HTR4: variants seen among roughly 807,000 people sequenced by gnomAD.
HTR4 encodes the protein 5-hydroxytryptamine (serotonin) receptor 4, G protein-coupled.
In HTR4, 16 loss-of-function variants were observed where a neutral mutation model predicts 36.8. That is an observed-to-expected ratio of 0.43 (90% CI 0.29 to 0.66). The LOEUF (loss-of-function observed/expected upper bound fraction) is 0.66. Ranked by LOEUF, HTR4 falls within the 30% of genes least tolerant of loss-of-function variation. The pLI, the probability that HTR4 is intolerant of heterozygous loss-of-function variation, is 0.13. For synonymous variants in HTR4, 189 were observed against 185.1 expected (o/e 1.02, Z -0.17); for missense variants, 438 against 490.9 (o/e 0.89, Z 1.02).
At chr5:148,610,562 C>A (rs1752380775) in intron 2 of HTR4, among the ~76,000 whole-genome samples, 1 of 151,924 alleles carries the variant, frequency 6.6e-6, no homozygotes. Context: ...GTAGATAAAA[C>A]CACAAAGATG....
chr5:148,500,687 A>G (rs981268921), intron 6 of HTR4, among the ~76,000 whole-genome samples: 1 of 152,094 alleles, frequency 6.6e-6, no homozygotes, highest in African/African-American at 2.4e-5. Flanking sequence ...AGTTGTCACA[A>G]AAAGGGCCAA....
chr5:148,465,451 T>A (rs1171045681), intron 5 of HTR4, among the ~76,000 whole-genome samples: 1 of 152,274 alleles, frequency 6.6e-6, no homozygotes, highest in Non-Finnish European at 1.5e-5. Context: ...TCACGATCAA[T>A]TGTTTAAGAA....
chr5:148,595,591 A>T (rs1212606386), intron 2 of HTR4, among the ~76,000 whole-genome samples: 2 of 152,166 alleles, frequency 1.3e-5, no homozygotes, highest in Non-Finnish European at 2.9e-5. Context: ...TAACAGGAAA[A>T]GTCTTCATAT....
intron 2 of HTR4, among the ~76,000 whole-genome samples, chr5:148,630,655 AT>A (rs1414389506): frequency 1.3e-5 from 2 of 152,156 alleles, no homozygotes; most frequent in South Asian, 2.1e-4. Context: ...GCTTATAGTA[AT>A]TAATTATCAG....
At chr5:148,577,888 G>A (rs1760989302) in intron 2 of HTR4, among the ~76,000 whole-genome samples, 1 of 151,840 alleles carries the variant, frequency 6.6e-6, no homozygotes, top group African/African-American at 2.4e-5. Context: ...ATTTCTGGGT[G>A]ATGAAATAAT....
chr5:148,528,237 G>A (rs1034936852), intron 4 of HTR4, among the ~76,000 whole-genome samples: 1 of 152,182 alleles, frequency 6.6e-6, no homozygotes, highest in South Asian at 2.1e-4. Flanking sequence ...CTAGGTATAT[G>A]TTTTACTTGC....
intron 2 of HTR4, among the ~76,000 whole-genome samples, chr5:148,593,898 A>C (rs1005437387): frequency 1.3e-5 from 2 of 152,198 alleles, no homozygotes; most frequent in Non-Finnish European, 2.9e-5. Context: ...TCAAATTCCC[A>C]GAATATTTTT....
chr5:148,640,311 C>T (rs1205817500), intron 1 of HTR4, among the ~76,000 whole-genome samples: 1 of 152,204 alleles, frequency 6.6e-6, no homozygotes, highest in African/African-American at 2.4e-5. Context: ...TTCCCTTCTC[C>T]AATCCCTAGC....
intron 2 of HTR4, among the ~76,000 whole-genome samples, chr5:148,606,631 T>C (rs1312965385): frequency 6.6e-6 from 1 of 152,248 alleles, no homozygotes; most frequent in Non-Finnish European, 1.5e-5. Flanking sequence ...GCCATTATTA[T>C]TGTTTCTATG....
At chr5:148,474,009 T>C (rs924819172), downstream of HTR4, among the ~76,000 whole-genome samples, 1 of 151,712 alleles carries the variant, frequency 6.6e-6, no homozygotes, top group Non-Finnish European at 1.5e-5. Context: ...ACAAGTTCAG[T>C]GTTTCCAGAT....
intron 5 of HTR4, among the ~76,000 whole-genome samples, chr5:148,468,848 T>A (rs1421021193): frequency 3.3e-5 from 5 of 152,148 alleles, no homozygotes; most frequent in Admixed American, 6.5e-5. Context: ...CCCATGCTGC[T>A]TTTCTCATGA....
chr5:148,627,450 G>A (rs2068190), intron 2 of HTR4, among the ~76,000 whole-genome samples: 73,444 of 152,034 alleles, frequency 0.48, 18,233 homozygotes, highest in East Asian at 0.68. Context: ...ACAATGAACA[G>A]TGGTGGCATT....
chr5:148,560,698 G>A (rs180877493), intron 2 of HTR4, among the ~76,000 whole-genome samples: 1 of 152,242 alleles, frequency 6.6e-6, no homozygotes, highest in African/African-American at 2.4e-5. Flanking sequence ...GTAATATCAT[G>A]ATGCCCCCTT....
At chr5:148,609,581 G>GTTTT (rs5872086) in intron 2 of HTR4, among the ~76,000 whole-genome samples, 8 of 143,336 alleles carry the variant, frequency 5.6e-5, no homozygotes, top group African/African-American at 2.1e-4. Context: ...ATTTTTAAGG[G>GTTTT]TTTTTTTTTT....
intron 6 of HTR4, among the ~76,000 whole-genome samples, chr5:148,495,831 G>A (rs1016363368): frequency 1.3e-5 from 2 of 152,114 alleles, no homozygotes; most frequent in African/African-American, 2.4e-5. Context: ...GCCTGGGTGC[G>A]GTGGCTCAAG....
intron 6 of HTR4, chr5:148,490,811 G>C (rs554470273): frequency 1.3e-6 from 1 of 791,992 alleles, no homozygotes; most frequent in African/African-American, 1.8e-5. Context: ...CTCACATTAT[G>C]CAGAAGAAGT....
At chr5:148,458,787 G>A (rs1437099416) in intron 5 of HTR4, among the ~76,000 whole-genome samples, 1 of 152,184 alleles carries the variant, frequency 6.6e-6, no homozygotes, top group Admixed American at 6.5e-5. Context: ...AAGGACTGTT[G>A]TCCTCGTCCT....
At chr5:148,562,806 C>T (rs926747720) in intron 2 of HTR4, among the ~76,000 whole-genome samples, 1 of 152,162 alleles carries the variant, frequency 6.6e-6, no homozygotes, top group African/African-American at 2.4e-5. Context: ...TCTTCTACCT[C>T]CAGTACATCA....
intron 5 of HTR4, among the ~76,000 whole-genome samples, chr5:148,513,368 T>G (rs1757586900): frequency 6.6e-6 from 1 of 152,192 alleles, no homozygotes; most frequent in African/African-American, 2.4e-5. Flanking sequence ...GGATATTGAA[T>G]TGACCCCTGC....
Sources: gnomAD v4.1 joint callset for allele counts (sites outside exome capture counted in the v4.1 genomes callset) on GRCh38, gnomAD v4.1.1 for gene constraint, MANE v1.5 for transcripts, NCBI Gene and HGNC (gene_info 2026-07-23, HGNC 2026-07-21) for gene names.